CAST: variants seen among roughly 807,000 people sequenced by gnomAD.
CAST encodes the protein MIR583 host.
A neutral mutation model predicts 119.6 loss-of-function variants in CAST; 76 were observed. The ratio of observed to expected loss-of-function variants is 0.64; its 90% CI spans 0.53 to 0.77. The LOEUF is 0.77. CAST is among the 30% of genes least tolerant of loss of function. The pLI, the probability that CAST is intolerant of heterozygous loss-of-function variation, is 0.00. For synonymous variants in CAST, 319 were observed against 331.6 expected, an observed-to-expected ratio of 0.96 and a Z score of 0.41; for missense variants, 953 against 946.5, an observed-to-expected ratio of 1.01 and a Z score of -0.09.
chr5:96,417,231 G>A, the CAST span, among the ~76,000 whole-genome samples: 1 of 152,150 alleles, frequency 6.6e-6, no homozygotes, highest in Admixed American at 6.6e-5. Context: ...TTTTCCTGAA[G>A]TAGCAAAGAT....
At chr5:96,065,913 A>G in the CAST span, among the ~76,000 whole-genome samples, 1 of 152,208 alleles carries the variant, frequency 6.6e-6, no homozygotes, top group African/African-American at 2.4e-5. Flanking sequence ...AAAGTTTCCA[A>G]CAATTGAAGG....
chr5:96,296,852 CAG>C, the CAST span, among the ~76,000 whole-genome samples: 3 of 152,208 alleles, frequency 2.0e-5, no homozygotes, highest in Non-Finnish European at 2.9e-5. Flanking sequence ...TTTTCAGTAA[CAG>C]AAATGCTAGG....
At chr5:96,607,843 C>A (rs987737778) in intron 1 of CAST, among the ~76,000 whole-genome samples, 1 of 152,034 alleles carries the variant, frequency 6.6e-6, no homozygotes, top group East Asian at 1.9e-4. Context: ...TTGTAATTGA[C>A]AAATAATGAT....
At chr5:96,768,656 G>T (rs1224487426) in intron 29 of CAST, among the ~76,000 whole-genome samples, 2 of 152,144 alleles carry the variant, frequency 1.3e-5, no homozygotes, top group East Asian at 1.9e-4. Flanking sequence ...TGCTATGTCT[G>T]TGTTCATTTA....
chr5:96,276,036 G>A, the CAST span, among the ~76,000 whole-genome samples: 266 of 152,306 alleles, frequency 1.7e-3, 1 homozygote, highest in African/African-American at 6.1e-3. Context: ...TTAGCCAGTG[G>A]TCTTCTTCGT....
At chr5:96,064,888 C>T in the CAST span, among the ~76,000 whole-genome samples, 1 of 152,100 alleles carries the variant, frequency 6.6e-6, no homozygotes. Flanking sequence ...GTTAGTTAAA[C>T]CAGCATAAAA....
chr5:96,018,053 G>A, the CAST span, among the ~76,000 whole-genome samples: 2 of 152,180 alleles, frequency 1.3e-5, no homozygotes, highest in South Asian at 4.1e-4. Context: ...TTGTCTTGTG[G>A]AAAAAGTAGT....
the CAST span, among the ~76,000 whole-genome samples, chr5:96,234,178 T>C: frequency 6.6e-6 from 1 of 152,212 alleles, no homozygotes; most frequent in Non-Finnish European, 1.5e-5. Context: ...TTTGAATTTT[T>C]CAGGGTCTGT....
At chr5:96,115,923 CT>C in the CAST span, among the ~76,000 whole-genome samples, 628 of 123,810 alleles carry the variant, frequency 5.1e-3, no homozygotes, top group Middle Eastern at 0.013. Context: ...TCATTTCTTT[CT>C]TTTTTTTTTT....
chr5:96,191,018 A>G, the CAST span, among the ~76,000 whole-genome samples: 4 of 152,194 alleles, frequency 2.6e-5, no homozygotes, highest in African/African-American at 7.2e-5. Context: ...GCTTAGGATA[A>G]TGGCCTCCAG....
the CAST span, among the ~76,000 whole-genome samples, chr5:96,447,071 G>T: frequency 6.6e-6 from 1 of 152,226 alleles, no homozygotes; most frequent in African/African-American, 2.4e-5. Flanking sequence ...CGGACCTGGA[G>T]AGGGCATGAA....
At chr5:96,344,521 G>T in the CAST span, among the ~76,000 whole-genome samples, 3 of 152,138 alleles carry the variant, frequency 2.0e-5, no homozygotes, top group Admixed American at 1.3e-4. Context: ...AAAGAATTCA[G>T]ATTCAAAGGA....
the CAST span, among the ~76,000 whole-genome samples, chr5:96,080,641 C>G: frequency 1.8e-4 from 27 of 152,272 alleles, no homozygotes; most frequent in Admixed American, 1.6e-3. Context: ...TGTGCTTATT[C>G]CATTCTCAAA....
the CAST span, among the ~76,000 whole-genome samples, chr5:96,189,805 A>G: frequency 6.6e-6 from 1 of 152,154 alleles, no homozygotes; most frequent in Non-Finnish European, 1.5e-5. Flanking sequence ...ACATTTTTAT[A>G]GATTCATGTT....
chr5:96,291,483 C>T, the CAST span, among the ~76,000 whole-genome samples: 1 of 151,776 alleles, frequency 6.6e-6, no homozygotes, highest in South Asian at 2.1e-4. Flanking sequence ...TTTTTTTTTC[C>T]CGGAAGAAAG....
chr5:96,419,113 C>T, the CAST span, among the ~76,000 whole-genome samples: 1 of 151,694 alleles, frequency 6.6e-6, no homozygotes, highest in Admixed American at 6.6e-5. Flanking sequence ...CACACATATA[C>T]ATATATGGCT....
the CAST span, among the ~76,000 whole-genome samples, chr5:96,233,062 G>A: frequency 1.3e-5 from 2 of 151,836 alleles, no homozygotes; most frequent in South Asian, 2.1e-4. Context: ...ATTAACTGTG[G>A]GTTATTACTA....
chr5:96,539,216 A>G (rs1338513854), intron 1 of CAST, among the ~76,000 whole-genome samples: 2 of 152,124 alleles, frequency 1.3e-5, no homozygotes, highest in African/African-American at 4.8e-5. Flanking sequence ...AAACCGAAAA[A>G]CTTAAGAGTC....
chr5:96,185,414 A>G, the CAST span, among the ~76,000 whole-genome samples: 9 of 152,068 alleles, frequency 5.9e-5, no homozygotes, highest in Non-Finnish European at 1.0e-4. Flanking sequence ...TCGTTATGAA[A>G]TCTTTGCCCA....
Sources: allele counts gnomAD v4.1 joint callset (sites outside exome capture counted in the v4.1 genomes callset), GRCh38; gene constraint gnomAD v4.1.1; transcripts MANE v1.5; gene names NCBI Gene and HGNC (gene_info 2026-07-23, HGNC 2026-07-21).